The following TAP1 variants were observed in gnomAD, a reference collection of about 807,000 sequenced individuals.
TAP1 encodes the protein antigen peptide transporter 1.
TAP1 carries 56 observed loss-of-function variants against 79.3 expected under a neutral mutation model. That is an observed-to-expected ratio of 0.71 (90% confidence interval 0.57 to 0.88). TAP1 has a LOEUF of 0.88. Among genes scored for constraint, TAP1 ranks in the 40% least tolerant of loss-of-function variants. The probability of loss-of-function intolerance (pLI) is 0.00; values close to 1 mark genes in which losing one functional copy is unlikely to be tolerated. For missense variants in TAP1, 737 were observed against 936.3 expected (o/e 0.79, Z 2.78); for synonymous variants, 355 against 401.4 (o/e 0.88, Z 1.38).
chr6:32,847,515 G>A lies in TAP1; in HGVS notation c.1901C>T (p.Thr634Ile), dbSNP rs1238080698. The change falls in exon 9 of 11, where the codon ACA becomes ATA. Residue 634 changes from threonine (T) to isoleucine (I), a missense_variant and splice_region_variant. Transcript: ENST00000354258. The surrounding 1 kb of genome is among the most constrained non-coding windows in gnomAD (Gnocchi z 4.7). ...FISGLPQGYD[T>I]EVDEAGSQLS... is the part of the protein sequence containing the mutation. ...GGTGAGATGAGTGGAGAGAGTACCT[G>A]TGTCATAGCCCTGAGGGAGTCCAGA... is the stretch of plus-strand genomic sequence containing the variant. The A allele has an allele frequency of 6.2e-7, 1 of 1,613,420 alleles. No individual in the cohort carries two copies. The highest frequency in any genetic ancestry group is 2.2e-5 in the East Asian group (1 of 44,896).
Position 32,847,217 on chromosome 6 carries a change from G to A in TAP1, c.1904-13C>T, listed in dbSNP as rs1293578285. 5 of 1,610,692 alleles carry A rather than the reference G, an allele frequency of 3.1e-6. No homozygotes were observed. The highest frequency in any genetic ancestry group is 8.5e-7 in the Non-Finnish European group (1 of 1,180,030). On this transcript the variant is annotated splice_polypyrimidine_tract_variant and intron_variant, in intron 9 of 10. Coordinates refer to ENST00000354258, the MANE Select transcript of TAP1 (RefSeq NM_000593.6). The surrounding 1 kb of genome is among the most constrained non-coding windows in gnomAD (Gnocchi z 4.7). ...GCCTCGTCTACCTCTGCAGAGCAAAGGGCCAAGATGAGAACGGTATAGCCA... is the reference window on the plus strand; with the variant it reads ...GCCTCGTCTACCTCTGCAGAGCAAAAGGCCAAGATGAGAACGGTATAGCCA...
In TAP1 at chr6:32,850,813, G is replaced by A. The variant is rs1330764333; in HGVS notation, c.1050+131C>T. On this transcript the variant is annotated intron_variant, in intron 4 of 10. Transcript: ENST00000354258. The surrounding 1 kb of genome is among the most constrained non-coding windows in gnomAD (Gnocchi z 5.5). ...CTGGGAACATGGACCACAGGGACAG[G>A]GTGTTCCATGAAGATGGAGAATCAG... is the stretch of plus-strand genomic sequence containing the variant. 16 of 903,368 alleles carry A rather than the reference G, an allele frequency of 1.8e-5. No homozygotes were observed. Among genetic ancestry groups the A allele is most frequent in the Non-Finnish European group, 2.6e-5 (14 of 545,254 alleles). The allele number at this position is 903,368 out of a possible 1,614,324, so 56.0% of individuals were successfully genotyped here. A position where few individuals can be genotyped will look rare whatever the true frequency, so the allele number is the denominator to read the frequency against.
Position 32,850,460 on chromosome 6 carries a change from C to G in TAP1, c.1108G>C (p.Ala370Pro), listed in dbSNP as rs767281649. 4 of 1,614,128 alleles carry G rather than the reference C, an allele frequency of 2.5e-6. No homozygotes were observed. The highest frequency in any genetic ancestry group is 3.4e-6 in the Non-Finnish European group (4 of 1,180,042). The stretch of plus-strand genomic sequence containing the variant: ...CGAACTGTAGGCATGGCCGACAGAG[C>G]CTCAATGGCCACCTGGCTGGACTTT... Reference protein sequence around the residue: ...LAKSSQVAIEALSAMPTVRSF... With the variant: ...LAKSSQVAIEPLSAMPTVRSF... Residue 370 changes from alanine to proline, a missense_variant, in exon 5 of 11, where the codon GCT (alanine) becomes CCT (proline). Transcript: ENST00000354258. The surrounding 1 kb of genome is among the most constrained non-coding windows in gnomAD (Gnocchi z 5.5).
At chr6:32,849,831 A>G (rs1375629212) in intron 5 of TAP1, 1 of 178,516 alleles carries the variant, frequency 5.6e-6, no homozygotes, top group Non-Finnish European at 1.2e-5. Context: ...AGAGAAGGTA[A>G]ATTTGTTGTC....
rs762243482 is a variant in TAP1 at position 32,847,702 on chromosome 6, TAGAACAAGGCAC to T, written c.1741-39_1741-28del. 22 of 1,612,698 alleles carry T rather than the reference TAGAACAAGGCAC, an allele frequency of 1.4e-5. No homozygotes were observed. The highest frequency in any genetic ancestry group is 1.9e-5 in the Non-Finnish European group (22 of 1,179,470). On this transcript the variant is annotated intron_variant, in intron 8 of 10. Transcript: ENST00000354258. This position sits in a 1 kb window ranked among gnomAD's most constrained non-coding sequence, Gnocchi z 4.7. ...TGAGATGAAATATGATGAAGAGTCA[TAGAACAAGGCAC>T]ATGGGAGTATGGTTATCTAGAGATC...
chr6:32,845,281 A>G lies in TAP1; in HGVS notation c.*298T>C. 1 of 541,054 alleles carries G rather than the reference A, an allele frequency of 1.8e-6. No homozygotes were observed. The highest frequency in any genetic ancestry group is 3.3e-6 in the Non-Finnish European group (1 of 300,882). The allele number at this position is 541,054 out of a possible 1,614,324, so 33.5% of individuals were successfully genotyped here. Reference sequence around the variant, plus strand: ...TATGGGCCAGCATATGCCTTCAGTTATGTTGAAAATAGCTGATCATCTTTC... The same window carrying G: ...TATGGGCCAGCATATGCCTTCAGTTGTGTTGAAAATAGCTGATCATCTTTC... On this transcript the variant is annotated 3_prime_UTR_variant, in exon 11 of 11. Transcript: ENST00000354258. The surrounding 1 kb of genome is among the most constrained non-coding windows in gnomAD (Gnocchi z 4.5).
In TAP1 at chr6:32,851,951, C is replaced by CAGAGACAG. The variant is rs1554246411; in HGVS notation, c.844+157_844+158insCTGTCTCT. 0.031 allele frequency among the ~76,000 whole-genome samples: 4,043 copies of CAGAGACAG among 128,964 alleles called. 63 individuals carry two copies. The highest frequency in any genetic ancestry group is 0.061 in the South Asian group (222 of 3,614). The allele number at this position is 128,964 out of a possible 152,430, so 84.6% of individuals were successfully genotyped here. On this transcript the variant is annotated intron_variant, in intron 3 of 10. Coordinates refer to ENST00000354258, the MANE Select transcript of TAP1 (RefSeq NM_000593.6). The surrounding 1 kb of genome is among the most constrained non-coding windows in gnomAD (Gnocchi z 4.8). ...AGAGAGAGAGAGAGAGAGACAGAGA[C>CAGAGACAG]AGAGAGAGAGAGACAGGGAGAGGGT...
chr6:32,852,116 G>A lies in TAP1; in HGVS notation c.837C>T (p.Asn279=), dbSNP rs1247349793. Residue 279 remains asparagine, a synonymous_variant, in exon 3 of 11, where the codon AAC becomes AAT. Transcript: ENST00000354258. The surrounding 1 kb of genome is among the most constrained non-coding windows in gnomAD (Gnocchi z 4.8). The stretch of plus-strand genomic sequence containing the variant: ...AAGAGTTTCAGGAGAAACCTGTCTG[G>A]TTCTGTTGGAAAAACTCCGTCTCCT... ...LRQETEFFQQ[N]QTGNIMSRVT... is the part of the protein sequence containing the mutation. 4 of 1,612,898 alleles carry A rather than the reference G, an allele frequency of 2.5e-6. No homozygotes were observed. Among genetic ancestry groups the A allele is most frequent in the East Asian group, 2.2e-5 (1 of 44,892 alleles).
chr6:32,853,675 G>A lies in TAP1; in HGVS notation c.-39C>T, dbSNP rs762040920. 1.0e-5 allele frequency: 16 copies of A among 1,586,536 alleles called. No individual in the cohort carries two copies. In the African/African-American group the frequency reaches 2.0e-4, roughly 20 times the overall value. ...CCGTCCCGGTCCCGGCCGGGCCTGG[G>A]ACTCTCCGCGCCCCGGTGGGGCCTG... is the stretch of plus-strand genomic sequence containing the variant. On this transcript the variant is annotated 5_prime_UTR_variant, in exon 1 of 11. Coordinates refer to ENST00000354258, the MANE Select transcript of TAP1 (RefSeq NM_000593.6). This position sits in a 1 kb window ranked among gnomAD's most constrained non-coding sequence, Gnocchi z 8.3.
In TAP1 at chr6:32,847,572, G is replaced by A. The variant is rs1265694281; in HGVS notation, c.1844C>T (p.Ala615Val). ...QKPTMEEITA[A>V]AVKSGAHSFI... The stretch of plus-strand genomic sequence containing the variant: ...ACTATGGGCCCCAGACTTTACTGCA[G>A]CAGCTGTGATTTCCTCCATAGTTGG... The change falls in exon 9 of 11, where the codon GCT (alanine) becomes GTT (valine). Residue 615 changes from alanine to valine, a missense_variant. Physicochemically the swap from Ala to Val is moderately conservative, Grantham distance 64. Around this residue, in one of 5 missense-constraint regions of TAP1, gnomAD observed 266 missense variants for 332.4 expected, o/e 0.80. Transcript: ENST00000354258. The surrounding 1 kb of genome is among the most constrained non-coding windows in gnomAD (Gnocchi z 4.7). 3 of 1,613,942 alleles carry A rather than the reference G, an allele frequency of 1.9e-6. No homozygotes were observed. The highest frequency in any genetic ancestry group is 1.7e-5 in the Admixed American group (1 of 60,008).
chr6:32,851,010 G>A lies in TAP1; in HGVS notation c.984C>T (p.Thr328=), dbSNP rs769061618. Residue 328 remains threonine (T), a synonymous_variant, in exon 4 of 11, where the codon ACC becomes ACT. Coordinates refer to ENST00000354258, the MANE Select transcript of TAP1 (RefSeq NM_000593.6). This position sits in a 1 kb window ranked among gnomAD's most constrained non-coding sequence, Gnocchi z 4.8. ...GIMLWGSVSL[T]MVTLITLPLL... is the part of the protein sequence containing the mutation. Reference sequence around the variant, plus strand: ...GAGGCAGGGTGATCAGGGTGACCATGGTGAGGGACACTGATCCCCAGAGCA... The same window carrying A: ...GAGGCAGGGTGATCAGGGTGACCATAGTGAGGGACACTGATCCCCAGAGCA... 1 of 1,613,020 alleles carries A rather than the reference G, an allele frequency of 6.2e-7. No individual in the cohort carries two copies. Among genetic ancestry groups the A allele is most frequent in the South Asian group, 1.1e-5 (1 of 91,086 alleles).
At position 32,852,514 on chromosome 6, in the gene TAP1, G is replaced by A. The variant is rs894714044; in HGVS notation, c.599-12C>T. On this transcript the variant is annotated splice_polypyrimidine_tract_variant and intron_variant, in intron 1 of 10. Transcript: ENST00000354258. The surrounding 1 kb of genome is among the most constrained non-coding windows in gnomAD (Gnocchi z 4.8). The stretch of plus-strand genomic sequence containing the variant: ...AATGGCCATCTCCCCTGGAGAAAGA[G>A]AAGAGAGGTCACGCACAAATATTAA... 1 of 1,612,942 alleles carries A rather than the reference G, an allele frequency of 6.2e-7. No homozygotes were observed. The highest frequency in any genetic ancestry group is 1.1e-5 in the South Asian group (1 of 91,092).
chr6:32,853,035 T>C lies in TAP1; in HGVS notation c.598+4A>G. On this transcript the variant is annotated splice_donor_region_variant and intron_variant, in intron 1 of 10. Transcript: ENST00000354258. The surrounding 1 kb of genome is among the most constrained non-coding windows in gnomAD (Gnocchi z 8.3). ...CCTCCCCTCTTGCCCTGCGTTCCCC[T>C]TACCAAGAGAGGAGAGGACCACCAG... is the stretch of plus-strand genomic sequence containing the variant. The C allele has an allele frequency of 6.2e-7, 1 of 1,611,332 alleles. No homozygotes were observed. The highest frequency in any genetic ancestry group is 8.5e-7 in the Non-Finnish European group (1 of 1,179,944).
chr6:32,845,830 C>G lies in TAP1; in HGVS notation c.2041-45G>C. On this transcript the variant is annotated intron_variant, in intron 10 of 10. Coordinates refer to ENST00000354258, the MANE Select transcript of TAP1 (RefSeq NM_000593.6). This position sits in a 1 kb window ranked among gnomAD's most constrained non-coding sequence, Gnocchi z 4.5. ...CGTCAGAGCCGGGGACTACCCTCAG[C>G]CCAGGGAGACACCTGTGTTTCCAGG... The G allele has an allele frequency of 6.5e-7, 1 of 1,531,006 alleles. No individual in the cohort carries two copies. Among genetic ancestry groups the G allele is most frequent in the Non-Finnish European group, 8.9e-7 (1 of 1,119,514 alleles). 94.8% of individuals were successfully genotyped at this position (1,531,006 alleles called of 1,614,324 possible). A position where few individuals can be genotyped will look rare whatever the true frequency, so the allele number is the denominator to read the frequency against.
intron 7 of TAP1, 98 bp downstream of exon 7, chr6:32,848,554 T>C (rs1273864097): frequency 7.8e-7 from 1 of 1,284,638 alleles, no homozygotes; most frequent in Non-Finnish European, 1.1e-6. Flanking sequence ...TTAGGGAGGA[T>C]ATATGCTTGG....
At position 32,852,088 on chromosome 6, in the gene TAP1, TGAAA is replaced by T; in HGVS notation, c.844+17_844+20del. 2 of 1,612,678 alleles carry T rather than the reference TGAAA, an allele frequency of 1.2e-6. No individual in the cohort carries two copies. Among genetic ancestry groups the T allele is most frequent in the Non-Finnish European group, 1.7e-6 (2 of 1,179,950 alleles). On this transcript the variant is annotated intron_variant, in intron 3 of 10. Coordinates refer to ENST00000354258, the MANE Select transcript of TAP1 (RefSeq NM_000593.6). The surrounding 1 kb of genome is among the most constrained non-coding windows in gnomAD (Gnocchi z 4.8). ...GATATGAACAGTACATGGCGTATAA[TGAAA>T]GAGTTTCAGGAGAAACCTGTCTGGT...
At position 32,851,924 on chromosome 6, in the gene TAP1, T is replaced by TGAGAGAGAGAGAGA. The variant is rs35429362; in HGVS notation, c.844+171_844+184dup. 1.4e-5 allele frequency among the ~76,000 whole-genome samples: 2 copies of TGAGAGAGAGAGAGA among 147,436 alleles called. No individual in the cohort carries two copies. Among genetic ancestry groups the TGAGAGAGAGAGAGA allele is most frequent in the East Asian group, 4.0e-4 (2 of 5,024 alleles). ...AAAAACAATTGTGTGTGTGTGTGTGTGAGAGAGAGAGAGAGAGAGACAGAG... is the reference window on the plus strand; with the variant it reads ...AAAAACAATTGTGTGTGTGTGTGTGTGAGAGAGAGAGAGAGAGAGAGAGAGAGAGAGAGACAGAG... On this transcript the variant is annotated intron_variant, in intron 3 of 10. Transcript: ENST00000354258. This position sits in a 1 kb window ranked among gnomAD's most constrained non-coding sequence, Gnocchi z 4.8.
At position 32,847,976 on chromosome 6, in the gene TAP1, C is replaced by T; in HGVS notation, c.1683G>A (p.Gln561=). ...LQNLYQPTGG[Q]LLLDGKPLPQ... Reference sequence around the variant, plus strand: ...GAAGGGGCTTCCCATCCAACAGCAGCTGTCCCCCGGTGGGCTGGTACAGAT... The same window carrying T: ...GAAGGGGCTTCCCATCCAACAGCAGTTGTCCCCCGGTGGGCTGGTACAGAT... Residue 561 remains glutamine, a synonymous_variant, in exon 8 of 11, where the codon CAG becomes CAA. Transcript: ENST00000354258. The surrounding 1 kb of genome is among the most constrained non-coding windows in gnomAD (Gnocchi z 4.7). 6.2e-7 allele frequency: 1 copy of T among 1,613,146 alleles called. No individual in the cohort carries two copies. Among genetic ancestry groups the T allele is most frequent in the Non-Finnish European group, 8.5e-7 (1 of 1,180,048 alleles).
chr6:32,852,144 C>G lies in TAP1; in HGVS notation c.809G>C (p.Arg270Pro). The G allele has an allele frequency of 6.2e-7, 1 of 1,613,006 alleles. No individual in the cohort carries two copies. Among genetic ancestry groups the G allele is most frequent in the Non-Finnish European group, 8.5e-7 (1 of 1,180,016 alleles). ...LQGEVFGAVL[R>P]QETEFFQQNQ... ...CTGTTGGAAAAACTCCGTCTCCTGGCGCAGGACAGCCCCAAACACCTCTCC... is the reference window on the plus strand; with the variant it reads ...CTGTTGGAAAAACTCCGTCTCCTGGGGCAGGACAGCCCCAAACACCTCTCC... The change falls in exon 3 of 11, where the codon CGC becomes CCC. Residue 270 changes from arginine to proline, a missense_variant. Around this residue, in one of 5 missense-constraint regions of TAP1, gnomAD observed 406 missense variants for 477.2 expected, o/e 0.85. Transcript: ENST00000354258. This position sits in a 1 kb window ranked among gnomAD's most constrained non-coding sequence, Gnocchi z 4.8.
Sources: gnomAD v4.1 joint callset for allele counts (sites outside exome capture counted in the v4.1 genomes callset) on GRCh38, gnomAD v4.1.1 for gene constraint, gnomAD v4.1.1 regional missense constraint, Gnocchi (gnomAD v3.1) non-coding constraint, MANE v1.5 for transcripts, NCBI Gene and HGNC (gene_info 2026-07-23, HGNC 2026-07-21) for gene names.